Variants in UTRN observed in about 807,000 individuals in gnomAD.
UTRN encodes the protein dystrophin-related protein 1.
A neutral mutation model predicts 463.9 loss-of-function variants in UTRN; 283 were observed. The observed-to-expected ratio is 0.61, with a 90% CI of 0.55 to 0.67. The LOEUF (loss-of-function observed/expected upper bound fraction) is 0.67. Ranked by LOEUF, UTRN falls within the 30% of genes least tolerant of loss-of-function variation. UTRN has a pLI of 0.00. For synonymous variants in UTRN, 1,442 were observed against 1,431.5 expected, an observed-to-expected ratio of 1.01 and a Z score of -0.17; for missense variants, 3,922 against 4,084.3, an observed-to-expected ratio of 0.96 and a Z score of 1.08.
chr6:144,848,153 G>A (rs961270422), intron 74 of UTRN, among the ~76,000 whole-genome samples: 3 of 152,134 alleles, frequency 2.0e-5, no homozygotes, highest in African/African-American at 7.2e-5. Context: ...AGGTTGGGGA[G>A]GAGGTGTCAG....
chr6:144,799,529 C>T (rs1190792283), intron 64 of UTRN: 1 of 471,026 alleles, frequency 2.1e-6, no homozygotes, highest in Admixed American at 2.4e-5. Flanking sequence ...TTTGGAGTAT[C>T]TGGTAGACAT....
At chr6:144,453,182 G>A (rs1788497890) in intron 18 of UTRN, among the ~76,000 whole-genome samples, 1 of 152,066 alleles carries the variant, frequency 6.6e-6, no homozygotes, top group Non-Finnish European at 1.5e-5. Flanking sequence ...GAGTGCAGTG[G>A]TGCAATCTCG....
At position 144,447,598 on chromosome 6, in the gene UTRN, C is replaced by T; in HGVS notation, c.1723-4C>T. 1 of 1,611,720 alleles carries T rather than the reference C, an allele frequency of 6.2e-7. No individual in the cohort carries two copies. The highest frequency in any genetic ancestry group is 1.1e-5 in the South Asian group (1 of 90,112). ...AGTCATCTAATAAATATCTGAAATA[C>T]TAGATTTTGAAGGAAGACATGGAAA... On this transcript the variant is annotated splice_polypyrimidine_tract_variant and splice_region_variant and intron_variant, in intron 15 of 74. Transcript: ENST00000367545.
At chr6:144,654,360 A>G (rs1004970732) in intron 51 of UTRN, among the ~76,000 whole-genome samples, 1 of 152,200 alleles carries the variant, frequency 6.6e-6, no homozygotes, top group African/African-American at 2.4e-5. Context: ...GCGTGGGGTT[A>G]GTTTGAACTT....
At chr6:144,344,513 A>G (rs1255335655) in intron 2 of UTRN, among the ~76,000 whole-genome samples, 2 of 152,210 alleles carry the variant, frequency 1.3e-5, no homozygotes, top group African/African-American at 2.4e-5. Flanking sequence ...ACTTCTCTTC[A>G]GGAAGTGATA....
chr6:144,488,147 T>C lies in UTRN; in HGVS notation c.3972+450T>C, dbSNP rs73600779. ...AGGAAGGTTGGGTATGAATATTAGG[T>C]GCTTCCAAACACATATTAAATAATA... On this transcript the variant is annotated intron_variant, in intron 29 of 74. Transcript: ENST00000367545. 2.2e-3 allele frequency among the ~76,000 whole-genome samples: 328 copies of C among 152,322 alleles called. 3 individuals carry two copies. The highest frequency in any genetic ancestry group is 7.6e-3 in the African/African-American group (318 of 41,572).
At chr6:144,426,515 C>A (rs1328579313) in intron 7 of UTRN, 56 bp downstream of exon 7, 2 of 1,511,364 alleles carry the variant, frequency 1.3e-6, no homozygotes, top group East Asian at 2.5e-5. Context: ...TCCTCTCTGT[C>A]CCTTTGCTGC....
chr6:144,580,229 G>GTGGTGGTGC (rs71552923), intron 51 of UTRN, among the ~76,000 whole-genome samples: 79,523 of 151,024 alleles, frequency 0.53, 22,614 homozygotes, highest in East Asian at 0.85. Flanking sequence ...GGCAGTGGTG[G>GTGGTGGTGC]TGGTGGTGCT....
At chr6:144,302,096 C>T (rs1332842212) in intron 2 of UTRN, among the ~76,000 whole-genome samples, 1 of 152,214 alleles carries the variant, frequency 6.6e-6, no homozygotes, top group Admixed American at 6.5e-5. Context: ...ATCTTTCCCA[C>T]GTGTTCACTC....
chr6:144,636,040 G>A (rs1250877614), intron 51 of UTRN, among the ~76,000 whole-genome samples: 1 of 152,048 alleles, frequency 6.6e-6, no homozygotes, highest in Non-Finnish European at 1.5e-5. Context: ...AGAATTGAGT[G>A]TAATAGTGAT....
At chr6:144,741,388 G>A (rs956265357) in intron 54 of UTRN, among the ~76,000 whole-genome samples, 3 of 152,094 alleles carry the variant, frequency 2.0e-5, no homozygotes, top group African/African-American at 7.2e-5. Flanking sequence ...GAAAGAGAAA[G>A]GGGAGAATTT....
At chr6:144,695,790 TTTA>T (rs1783942908) in intron 52 of UTRN, among the ~76,000 whole-genome samples, 1 of 152,218 alleles carries the variant, frequency 6.6e-6, no homozygotes, top group African/African-American at 2.4e-5. Flanking sequence ...GTCAGGAACT[TTTA>T]TTATATTTTT....
rs1224806677 is a variant in UTRN at position 144,768,953 on chromosome 6, G to GTTTTTT, written c.8496-2950_8496-2949insTTTTTT. Among the ~76,000 whole-genome samples the GTTTTTT allele has an allele frequency of 2.3e-4, 24 of 105,006 alleles. No homozygotes were observed. In the East Asian group the frequency reaches 3.1e-3, roughly 14 times the overall value. The allele number at this position is 105,006 out of a possible 152,430, so 68.9% of individuals were successfully genotyped here. A position where few individuals can be genotyped will look rare whatever the true frequency, so the allele number is the denominator to read the frequency against. ...TAATTGCTACTTTGTTTTTTGTTTT[G>GTTTTTT]TTTTGTTTTTTTTTTTTTAATTTTA... On this transcript the variant is annotated intron_variant, in intron 58 of 74. Coordinates refer to ENST00000367545, the MANE Select transcript of UTRN (RefSeq NM_007124.3).
chr6:144,848,450 C>T (rs1237132615), intron 74 of UTRN, among the ~76,000 whole-genome samples: 1 of 152,078 alleles, frequency 6.6e-6, no homozygotes, highest in Non-Finnish European at 1.5e-5. Flanking sequence ...AATGATTGAA[C>T]CAGATGCTTA....
rs765129568 is a variant in UTRN at position 144,793,896 on chromosome 6, C to A, written c.8983C>A (p.Leu2995Ile). 1 of 1,614,144 alleles carries A rather than the reference C, an allele frequency of 6.2e-7. No homozygotes were observed. The highest frequency in any genetic ancestry group is 1.1e-5 in the South Asian group (1 of 91,076). Reference protein sequence around the residue: ...MCDQRQLGLLLHDAIQIPRQL... With the variant: ...MCDQRQLGLLIHDAIQIPRQL... ...TGACCAGAGGCAGCTGGGCCTGTTA[C>A]TTCATGATGCCATCCAGATCCCCCG... Residue 2995 changes from leucine to isoleucine, a missense_variant, in exon 63 of 75, where the codon CTT becomes ATT. Leu to Ile is a conservative substitution (Grantham distance 5, BLOSUM62 2). This residue lies in a region of UTRN where 1,309 missense variants were observed against 1,452.6 expected (regional missense o/e 0.90). Coordinates refer to ENST00000367545, the MANE Select transcript of UTRN (RefSeq NM_007124.3).
chr6:144,658,481 G>A (rs1319565828), intron 51 of UTRN, among the ~76,000 whole-genome samples: 1 of 152,180 alleles, frequency 6.6e-6, no homozygotes, highest in African/African-American at 2.4e-5. Flanking sequence ...AGTGCTAACG[G>A]TATTGATATT....
intron 52 of UTRN, among the ~76,000 whole-genome samples, chr6:144,688,801 T>C (rs1783020500): frequency 6.6e-6 from 1 of 152,188 alleles, no homozygotes; most frequent in Admixed American, 6.5e-5. Flanking sequence ...TGTGCACTTA[T>C]TTATTTTATC....
chr6:144,448,719 T>C lies in UTRN; in HGVS notation c.2022T>C (p.Pro674=). The change falls in exon 17 of 75, where the codon CCT becomes CCC. Residue 674 remains proline, a synonymous_variant. Coordinates refer to ENST00000367545, the MANE Select transcript of UTRN (RefSeq NM_007124.3). ...TKKSKQELPP[P]PPPKKRQIHV... is the part of the protein sequence containing the mutation. ...AATCTAAGCAGGAACTGCCTCCTCCTCCTCCCCCAAAGAAGAGACAGATCC... is the reference window on the plus strand; with the variant it reads ...AATCTAAGCAGGAACTGCCTCCTCCCCCTCCCCCAAAGAAGAGACAGATCC... 6.2e-7 allele frequency: 1 copy of C among 1,613,788 alleles called. No homozygotes were observed. Among genetic ancestry groups the C allele is most frequent in the Non-Finnish European group, 8.5e-7 (1 of 1,179,926 alleles).
At position 144,286,281 on chromosome 6, in the gene UTRN, G is replaced by A. The variant is rs1449168814; in HGVS notation, c.-93+460G>A. 2.0e-5 allele frequency among the ~76,000 whole-genome samples: 3 copies of A among 152,142 alleles called. No individual in the cohort carries two copies. The highest frequency in any genetic ancestry group is 3.9e-4 in the East Asian group (2 of 5,150). On this transcript the variant is annotated intron_variant, in intron 1 of 74. Coordinates refer to ENST00000367545, the MANE Select transcript of UTRN (RefSeq NM_007124.3). This position sits in a 1 kb window ranked among gnomAD's most constrained non-coding sequence, Gnocchi z 4.4. ...AGACACCCGGGCCCGGGGAAGGCGG[G>A]GCTCCGGCGGTGTCCACAGGAGAGG...
Sources: allele counts gnomAD v4.1 joint callset (sites outside exome capture counted in the v4.1 genomes callset), GRCh38; gene constraint gnomAD v4.1.1; regional missense constraint gnomAD v4.1.1; non-coding constraint Gnocchi (gnomAD v3.1); transcripts MANE v1.5; gene names NCBI Gene and HGNC (gene_info 2026-07-23, HGNC 2026-07-21).